Variants in PIAS2 observed in about 807,000 individuals in gnomAD.
PIAS2 encodes the protein protein inhibitor of activated STAT 2, also known as E3 SUMO-protein ligase PIAS2.
In PIAS2, 19 loss-of-function variants were observed where a neutral mutation model predicts 69.7. That is an observed-to-expected ratio of 0.27 (90% CI 0.19 to 0.40). The LOEUF is 0.40. PIAS2 is among the 10% of genes least tolerant of loss of function. The pLI, the probability that PIAS2 is intolerant of heterozygous loss-of-function variation, is 1.00. For synonymous variants in PIAS2, 261 were observed against 263.2 expected (o/e 0.99, Z 0.08); for missense variants, 624 against 757.0 (o/e 0.82, Z 2.06).
At chr18:46,816,205 A>T in intron 12 of PIAS2, 1 of 985,354 alleles carries the variant, frequency 1.0e-6, no homozygotes. Flanking sequence ...GCTGGCATTC[A>T]GAGACACCCC....
intron 1 of PIAS2, among the ~76,000 whole-genome samples, chr18:46,908,458 G>A (rs531625750): frequency 1.3e-5 from 2 of 151,810 alleles, no homozygotes; most frequent in South Asian, 2.1e-4. Context: ...TATTCTTTGA[G>A]GAAAAACCAT....
In PIAS2 at chr18:46,890,796, C is replaced by A. The variant is rs1290986878; in HGVS notation, c.283G>T (p.Asp95Tyr). 1.2e-6 allele frequency: 2 copies of A among 1,614,178 alleles called. No homozygotes were observed. The highest frequency in any genetic ancestry group is 3.3e-5 in the Admixed American group (2 of 60,018). The change falls in exon 2 of 14, where the codon GAC becomes TAC. Residue 95 changes from aspartate (D) to tyrosine (Y), a missense_variant. Physicochemically the swap from Asp to Tyr is radical, Grantham distance 160. Transcript: ENST00000585916. The stretch of plus-strand genomic sequence containing the variant: ...GAGTGGATTCCAGCCACGGCCAAGT[C>A]AGGTTCTACAGGTGATGAGCCACCA... ...LDGGSSPVEP[D>Y]LAVAGIHSLP... is the part of the protein sequence containing the mutation.
chr18:46,898,108 A>G (rs1307700583), intron 1 of PIAS2, among the ~76,000 whole-genome samples: 1 of 151,746 alleles, frequency 6.6e-6, no homozygotes, highest in Non-Finnish European at 1.5e-5. Context: ...TTCCACCTTG[A>G]CCTCCCAAAG....
chr18:46,911,308 C>T (rs1294713674), intron 1 of PIAS2, among the ~76,000 whole-genome samples: 3 of 151,760 alleles, frequency 2.0e-5, no homozygotes, highest in Non-Finnish European at 4.4e-5. Flanking sequence ...CTCCACCTCC[C>T]GGGTTCAAGC....
chr18:46,818,486 G>C, intron 12 of PIAS2: 1 of 1,514,986 alleles, frequency 6.6e-7, no homozygotes, highest in Non-Finnish European at 8.9e-7. Flanking sequence ...ATGTTTAAAA[G>C]GAATGTTAAG....
intron 3 of PIAS2, among the ~76,000 whole-genome samples, chr18:46,862,520 T>C (rs1461398406): frequency 4.6e-5 from 7 of 152,104 alleles, no homozygotes; most frequent in Non-Finnish European, 7.3e-5. Flanking sequence ...CCAAAAATCA[T>C]TAACCTCCCA....
intron 2 of PIAS2, among the ~76,000 whole-genome samples, chr18:46,885,490 C>T (rs1176414336): frequency 6.7e-6 from 1 of 149,524 alleles, no homozygotes; most frequent in Non-Finnish European, 1.5e-5. Flanking sequence ...GACTGCACTC[C>T]AGCCCTGGTG....
chr18:46,891,076 CAT>C, intron 1 of PIAS2, 22 bp from the exon 2 acceptor site: 1 of 1,465,542 alleles, frequency 6.8e-7, no homozygotes, highest in Non-Finnish European at 9.3e-7. Context: ...GAAAAAAAAA[CAT>C]AAGCCAAGTC....
intron 8 of PIAS2, among the ~76,000 whole-genome samples, chr18:46,837,287 G>A (rs1401993300): frequency 6.6e-6 from 1 of 151,610 alleles, no homozygotes; most frequent in Non-Finnish European, 1.5e-5. Flanking sequence ...AAATTCTTCG[G>A]TCTCTGCCAA....
chr18:46,873,941 T>C (rs1254533137), intron 2 of PIAS2, among the ~76,000 whole-genome samples: 1 of 151,944 alleles, frequency 6.6e-6, no homozygotes, highest in Non-Finnish European at 1.5e-5. Flanking sequence ...TTAATAAAAA[T>C]AGGAGCCAAG....
intron 1 of PIAS2, among the ~76,000 whole-genome samples, chr18:46,913,614 T>G (rs760747222): frequency 6.6e-6 from 1 of 150,638 alleles, no homozygotes; most frequent in Non-Finnish European, 1.5e-5. Context: ...CATTGAGTGA[T>G]GAGAAGTAGG....
chr18:46,900,279 C>T (rs749765460), intron 1 of PIAS2, among the ~76,000 whole-genome samples: 2 of 151,932 alleles, frequency 1.3e-5, no homozygotes, highest in African/African-American at 4.8e-5. Flanking sequence ...AGGAGAATCG[C>T]TTAAACCCAG....
intron 2 of PIAS2, among the ~76,000 whole-genome samples, chr18:46,877,901 CTA>C (rs1292803536): frequency 6.6e-6 from 1 of 152,108 alleles, no homozygotes; most frequent in African/African-American, 2.4e-5. Context: ...CTTTACACCA[CTA>C]TGTTTTGGAA....
chr18:46,830,073 A>G (rs142461842), intron 9 of PIAS2, among the ~76,000 whole-genome samples: 317 of 152,304 alleles, frequency 2.1e-3, no homozygotes, highest in Middle Eastern at 0.01. Context: ...ATAATAGTTA[A>G]GTAACTTACT....
intron 2 of PIAS2, among the ~76,000 whole-genome samples, chr18:46,878,041 TTATGAC>T (rs1417653784): frequency 6.6e-6 from 1 of 152,226 alleles, no homozygotes; most frequent in Admixed American, 6.5e-5. Flanking sequence ...GGTATAATAG[TTATGAC>T]AGCTCTAAAT....
chr18:46,903,706 C>G (rs2056211599), intron 1 of PIAS2: 1 of 152,146 alleles, frequency 6.6e-6, no homozygotes, highest in Non-Finnish European at 1.5e-5. Flanking sequence ...AACTACACTC[C>G]TGGGCATTTA....
At position 46,890,568 on chromosome 18, in the gene PIAS2, T is replaced by TCAAA. The variant is rs2053921907; in HGVS notation, c.499+8_499+11dup. On this transcript the variant is annotated intron_variant, in intron 2 of 13. Transcript: ENST00000585916. ...ATCTTGTTCAGAAGAAACTGAATTC[T>TCAAA]CAAACACTTACCTAAACTCGTGGGC... 11 of 1,545,090 alleles carry TCAAA rather than the reference T, an allele frequency of 7.1e-6. No homozygotes were observed. The highest frequency in any genetic ancestry group is 9.8e-6 in the Non-Finnish European group (11 of 1,122,382).
intron 2 of PIAS2, among the ~76,000 whole-genome samples, chr18:46,870,189 G>C (rs1030849164): frequency 6.6e-6 from 1 of 152,102 alleles, no homozygotes; most frequent in African/African-American, 2.4e-5. Context: ...AGGATATTCA[G>C]AACTCCTTTT....
intron 1 of PIAS2, among the ~76,000 whole-genome samples, chr18:46,896,936 A>G (rs2054981455): frequency 6.6e-6 from 1 of 152,254 alleles, no homozygotes; most frequent in South Asian, 2.1e-4. Context: ...AAATTATACA[A>G]TATATGGAGT....
Sources: allele counts gnomAD v4.1 joint callset (sites outside exome capture counted in the v4.1 genomes callset), GRCh38; gene constraint gnomAD v4.1.1; transcripts MANE v1.5; gene names NCBI Gene and HGNC (gene_info 2026-07-23, HGNC 2026-07-21).